ARHGEF2: variants seen among roughly 807,000 people sequenced by gnomAD.
The protein encoded by ARHGEF2 is Rho/Rac guanine nucleotide exchange factor 2, also known as rho guanine nucleotide exchange factor 2.
A neutral mutation model predicts 121.0 loss-of-function variants in ARHGEF2; 22 were observed. That is an observed-to-expected ratio of 0.18 (90% CI 0.13 to 0.26). The LOEUF (loss-of-function observed/expected upper bound fraction) is 0.26. Among genes scored for constraint, ARHGEF2 ranks in the 10% least tolerant of loss-of-function variants. The pLI, the probability that ARHGEF2 is intolerant of heterozygous loss-of-function variation, is 1.00. For missense variants in ARHGEF2, 907 were observed against 1,336.0 expected, an observed-to-expected ratio of 0.68 and a Z score of 5.01; for synonymous variants, 487 against 530.0, an observed-to-expected ratio of 0.92 and a Z score of 1.11.
At position 155,962,710 on chromosome 1, in the gene ARHGEF2, A is replaced by G. The variant is rs1219742683; in HGVS notation, c.984T>C (p.Gly328=). The change falls in exon 9 of 22, where the codon GGT becomes GGC. Residue 328 remains glycine, a synonymous_variant. Transcript: ENST00000361247. The surrounding 1 kb of genome is among the most constrained non-coding windows in gnomAD (Gnocchi z 5.8). ...LGDLLISQFS[G]PSAEQMCKTY... The stretch of plus-strand genomic sequence containing the variant: ...TCTTACACATCTGCTCCGCACTAGG[A>G]CCTGAGAACTAGAAGTTGGTCGAGT... 1 of 1,614,070 alleles carries G rather than the reference A, an allele frequency of 6.2e-7. No individual in the cohort carries two copies. Among genetic ancestry groups the G allele is most frequent in the Non-Finnish European group, 8.5e-7 (1 of 1,179,986 alleles).
Position 155,962,235 on chromosome 1 carries a change from A to T in ARHGEF2, c.1102-13T>A. Reference sequence around the variant, plus strand: ...GGCGGGTCACTTTCTACAAGGGAGGAGGCAGGGCTCAGGGCCAGAGGGGAG... The same window carrying T: ...GGCGGGTCACTTTCTACAAGGGAGGTGGCAGGGCTCAGGGCCAGAGGGGAG... On this transcript the variant is annotated splice_polypyrimidine_tract_variant and intron_variant, in intron 9 of 21. Transcript: ENST00000361247. This position sits in a 1 kb window ranked among gnomAD's most constrained non-coding sequence, Gnocchi z 5.8. 1 of 1,612,732 alleles carries T rather than the reference A, an allele frequency of 6.2e-7. No homozygotes were observed. Among genetic ancestry groups the T allele is most frequent in the Non-Finnish European group, 8.5e-7 (1 of 1,179,164 alleles).
Position 155,961,553 on chromosome 1 carries a change from C to T in ARHGEF2, c.1468+108G>A, listed in dbSNP as rs1572118958. 1.4e-5 allele frequency: 21 copies of T among 1,472,602 alleles called. No homozygotes were observed. Among genetic ancestry groups the T allele is most frequent in the East Asian group, 2.3e-5 (1 of 43,858 alleles). 91.2% of individuals were successfully genotyped at this position (1,472,602 alleles called of 1,614,324 possible). A position where few individuals can be genotyped will look rare whatever the true frequency, so the allele number is the denominator to read the frequency against. On this transcript the variant is annotated intron_variant, in intron 11 of 21. Coordinates refer to ENST00000361247, the MANE Select transcript of ARHGEF2 (RefSeq NM_001162383.2). This position sits in a 1 kb window ranked among gnomAD's most constrained non-coding sequence, Gnocchi z 4.7. ...CCTCCCTAAGTGCTGGGATTACAGG[C>T]GTTGAGCCACTGCACCCGGCCAAGA...
rs776959763 is a variant in ARHGEF2, at chr1:155,952,135, C to T, written c.2085G>A (p.Thr695=). ...LPLEPDSGGN[T]SPGVTANGEA... is the part of the protein sequence containing the mutation. ...ACTCACTGGCAGTGACCCCAGGACT[C>T]GTGTTACCACCGCTGTCTGGTTCCA... Residue 695 remains threonine, a synonymous_variant, in exon 16 of 22, where the codon ACG becomes ACA. Coordinates refer to ENST00000361247, the MANE Select transcript of ARHGEF2 (RefSeq NM_001162383.2). 16 of 1,614,048 alleles carry T rather than the reference C, an allele frequency of 9.9e-6. No homozygotes were observed. The highest frequency in any genetic ancestry group is 6.7e-5 in the East Asian group (3 of 44,884).
rs1447845275 is a variant in ARHGEF2 at position 155,951,338 on chromosome 1, C to A, written c.2260-66G>T. 2 of 1,559,884 alleles carry A rather than the reference C, an allele frequency of 1.3e-6. No individual in the cohort carries two copies. The highest frequency in any genetic ancestry group is 4.5e-5 in the East Asian group (2 of 44,298). On this transcript the variant is annotated intron_variant, in intron 19 of 21. Transcript: ENST00000361247. The surrounding 1 kb of genome is among the most constrained non-coding windows in gnomAD (Gnocchi z 5.1). ...TGTGCTCTTCTACCCCTCGCCTTCACCCTCCAAGGCCCAGATCATCGCTCC... is the reference window on the plus strand; with the variant it reads ...TGTGCTCTTCTACCCCTCGCCTTCAACCTCCAAGGCCCAGATCATCGCTCC...
At position 155,962,851 on chromosome 1, in the gene ARHGEF2, C is replaced by G. The variant is rs775532576; in HGVS notation, c.975+82G>C. On this transcript the variant is annotated intron_variant, in intron 8 of 21. Coordinates refer to ENST00000361247, the MANE Select transcript of ARHGEF2 (RefSeq NM_001162383.2). The surrounding 1 kb of genome is among the most constrained non-coding windows in gnomAD (Gnocchi z 5.8). Reference sequence around the variant, plus strand: ...AGCTCTCCCTGGCTCCCCTCCAACCCCTAGAATTTGGACCCAAGAAATGCC... The same window carrying G: ...AGCTCTCCCTGGCTCCCCTCCAACCGCTAGAATTTGGACCCAAGAAATGCC... 1.6e-4 allele frequency: 253 copies of G among 1,601,706 alleles called. No individual in the cohort carries two copies. Among genetic ancestry groups the G allele is most frequent in the Non-Finnish European group, 2.1e-4 (247 of 1,172,578 alleles).
Position 155,965,443 on chromosome 1 carries a change from C to A in ARHGEF2, c.471-31G>T. ...GAAAGTGGAGGCTGTCTGCATCACC[C>A]CCAGTCGGGCAAAAGATCCCTTCCC... On this transcript the variant is annotated intron_variant, in intron 5 of 21. Transcript: ENST00000361247. The surrounding 1 kb of genome is among the most constrained non-coding windows in gnomAD (Gnocchi z 6.0). The A allele has an allele frequency of 1.2e-6, 2 of 1,608,308 alleles. No homozygotes were observed. Among genetic ancestry groups the A allele is most frequent in the Non-Finnish European group, 8.5e-7 (1 of 1,174,858 alleles).
In ARHGEF2 at chr1:155,965,711, G is replaced by A. The variant is rs1679240249; in HGVS notation, c.390C>T (p.Phe130=). 6.2e-7 allele frequency: 1 copy of A among 1,606,180 alleles called. No individual in the cohort carries two copies. The highest frequency in any genetic ancestry group is 8.5e-7 in the Non-Finnish European group (1 of 1,178,162). ...PSSAIYPSDS[F]RQSLLGSRRG... ...GGCGGGAGCCCAGGAGGGACTGCCG[G>A]AAGCTGTCGGAGGGGTAGATGGCCG... The change falls in exon 5 of 22, where the codon TTC becomes TTT. Residue 130 remains phenylalanine (F), a synonymous_variant. Transcript: ENST00000361247. The surrounding 1 kb of genome is among the most constrained non-coding windows in gnomAD (Gnocchi z 6.0).
chr1:155,961,611 ACT>A lies in ARHGEF2; in HGVS notation c.1468+48_1468+49del, dbSNP rs749237633. ...ATTCTAAGACCTGCAGGCATCTCCCACTCTCCATCTGACTTTGAATTCCTGCC... is the reference window on the plus strand; with the variant it reads ...ATTCTAAGACCTGCAGGCATCTCCCACTCCATCTGACTTTGAATTCCTGCC... On this transcript the variant is annotated intron_variant, in intron 11 of 21. Transcript: ENST00000361247. This position sits in a 1 kb window ranked among gnomAD's most constrained non-coding sequence, Gnocchi z 4.7. 1.3e-6 allele frequency: 2 copies of A among 1,580,020 alleles called. No individual in the cohort carries two copies. Among genetic ancestry groups the A allele is most frequent in the East Asian group, 4.5e-5 (2 of 44,456 alleles).
At chr1:155,967,085 G>C (rs978705369) in intron 2 of ARHGEF2, among the ~76,000 whole-genome samples, 198 bp from the exon 3 acceptor site, 1 of 152,088 alleles carries the variant, frequency 6.6e-6, no homozygotes, top group Non-Finnish European at 1.5e-5. Context: ...TGAAGTGAGG[G>C]GGGTATAGGT....
At position 155,962,874 on chromosome 1, in the gene ARHGEF2, G is replaced by GC. The variant is rs1678255527; in HGVS notation, c.975+58dup. On this transcript the variant is annotated intron_variant, in intron 8 of 21. Transcript: ENST00000361247. The surrounding 1 kb of genome is among the most constrained non-coding windows in gnomAD (Gnocchi z 5.8). Reference sequence around the variant, plus strand: ...CCCCTAGAATTTGGACCCAAGAAATGCCCAACCCAGTCACACCTCCTTCCA... The same window carrying GC: ...CCCCTAGAATTTGGACCCAAGAAATGCCCCAACCCAGTCACACCTCCTTCCA... 4 of 1,608,362 alleles carry GC rather than the reference G, an allele frequency of 2.5e-6. No individual in the cohort carries two copies. Among genetic ancestry groups the GC allele is most frequent in the Non-Finnish European group, 3.4e-6 (4 of 1,176,110 alleles).
intron 11 of ARHGEF2, among the ~76,000 whole-genome samples, chr1:155,958,663 C>A (rs1276750768): frequency 6.6e-6 from 1 of 150,932 alleles, no homozygotes; most frequent in Non-Finnish European, 1.5e-5. Context: ...GCAACCTCCG[C>A]CTCCCGGGTT....
chr1:155,965,124 T>A lies in ARHGEF2; in HGVS notation c.588A>T (p.Val196=). 1 of 1,614,100 alleles carries A rather than the reference T, an allele frequency of 6.2e-7. No homozygotes were observed. Among genetic ancestry groups the A allele is most frequent in the South Asian group, 1.1e-5 (1 of 91,080 alleles). The part of the protein sequence containing the change: ...SVESLIDEAE[V]IYSELMSDFE... Reference sequence around the variant, plus strand: ...AGTCACTCATCAGCTCACTGTAGATTACCTCTGCTGGACATTAGCAGGGCA... The same window carrying A: ...AGTCACTCATCAGCTCACTGTAGATAACCTCTGCTGGACATTAGCAGGGCA... The change falls in exon 7 of 22, where the codon GTA becomes GTT. Residue 196 remains valine, a synonymous_variant. Coordinates refer to ENST00000361247, the MANE Select transcript of ARHGEF2 (RefSeq NM_001162383.2). This position sits in a 1 kb window ranked among gnomAD's most constrained non-coding sequence, Gnocchi z 6.0.
At chr1:155,967,974 C>A (rs980182625) in intron 2 of ARHGEF2, among the ~76,000 whole-genome samples, 1 of 151,296 alleles carries the variant, frequency 6.6e-6, no homozygotes, top group African/African-American at 2.4e-5. Context: ...CCCCCTGGAG[C>A]TCCCTTCTCC....
rs1329038860 is a variant in ARHGEF2 at position 155,965,342 on chromosome 1, G to A, written c.541C>T (p.Arg181Trp). 1.9e-6 allele frequency: 3 copies of A among 1,614,134 alleles called. No homozygotes were observed. The highest frequency in any genetic ancestry group is 1.6e-4 in the Middle Eastern group (1 of 6,062). ...LSQSTDSLNM[R>W]NRTLSVESLI... ...GATTCCACGGATAGGGTTCGGTTCC[G>A]CATGTTGAGGGAGTCTGTGGACTGT... The change falls in exon 6 of 22, where the codon CGG becomes TGG. Residue 181 changes from arginine to tryptophan, a missense_variant. By Grantham distance (101) the Arg-to-Trp change is moderately radical. Around this residue, in one of 2 missense-constraint regions of ARHGEF2, gnomAD observed 475 missense variants for 776.5 expected, o/e 0.61. Transcript: ENST00000361247. The surrounding 1 kb of genome is among the most constrained non-coding windows in gnomAD (Gnocchi z 6.0).
chr1:155,970,787 G>A (rs1410625780), intron 1 of ARHGEF2: 11 of 985,802 alleles, frequency 1.1e-5, no homozygotes, highest in Non-Finnish European at 1.2e-5. Flanking sequence ...CAGGGACAGA[G>A]GGCATGGGGC....
chr1:155,953,665 G>A (rs1029538149), intron 14 of ARHGEF2, among the ~76,000 whole-genome samples: 3 of 149,952 alleles, frequency 2.0e-5, no homozygotes, highest in South Asian at 2.1e-4. Flanking sequence ...TCACTTGAAC[G>A]TGGGAGATGG....
chr1:155,975,912 G>A (rs1681219129), intron 1 of ARHGEF2, among the ~76,000 whole-genome samples: 1 of 152,164 alleles, frequency 6.6e-6, no homozygotes, highest in Admixed American at 6.5e-5. Context: ...GGCTTGTGGA[G>A]GTAGGAAGTA....
chr1:155,972,971 CT>C (rs1344510813), intron 1 of ARHGEF2, among the ~76,000 whole-genome samples: 1 of 152,024 alleles, frequency 6.6e-6, no homozygotes, highest in Non-Finnish European at 1.5e-5. Flanking sequence ...CCCCAAAGTG[CT>C]AGAATTATAG....
chr1:155,969,546 G>A, intron 1 of ARHGEF2: 1 of 1,349,368 alleles, frequency 7.4e-7, no homozygotes, highest in Non-Finnish European at 9.6e-7. Flanking sequence ...GGCCCCTACG[G>A]CTGGGCTGCC....
Sources: gnomAD v4.1 joint callset for allele counts (sites outside exome capture counted in the v4.1 genomes callset) on GRCh38, gnomAD v4.1.1 for gene constraint, gnomAD v4.1.1 regional missense constraint, Gnocchi (gnomAD v3.1) non-coding constraint, MANE v1.5 for transcripts, NCBI Gene and HGNC (gene_info 2026-07-23, HGNC 2026-07-21) for gene names.